Variants in SNTG2 observed in about 807,000 individuals in gnomAD.
SNTG2 encodes gamma-2-syntrophin.
Under a neutral mutation model 70.9 loss-of-function variants are expected in SNTG2, and 74 were observed. The ratio of observed to expected loss-of-function variants is 1.04; its 90% confidence interval spans 0.86 to 1.27. The LOEUF is 1.27. SNTG2 is among the 50% of genes most tolerant of loss of function. The pLI, the probability that SNTG2 is intolerant of heterozygous loss-of-function variation, is 0.00. For missense variants in SNTG2, 717 were observed against 690.7 expected, an observed-to-expected ratio of 1.04 and a Z score of -0.43; for synonymous variants, 278 against 273.8, an observed-to-expected ratio of 1.02 and a Z score of -0.15.
At chr2:1,208,233 AGT>A (rs66588436) in intron 8 of SNTG2, among the ~76,000 whole-genome samples, 31,720 of 150,962 alleles carry the variant, frequency 0.21, 3,939 homozygotes, top group African/African-American at 0.36. Context: ...TACACCTGTG[AGT>A]GTGGGGCACA....
chr2:966,789 AC>A (rs1477773417), intron 1 of SNTG2, among the ~76,000 whole-genome samples: 1 of 152,110 alleles, frequency 6.6e-6, no homozygotes, highest in Non-Finnish European at 1.5e-5. Flanking sequence ...TACTAAAAAT[AC>A]AAAAAAATTA....
At chr2:1,057,829 C>CA (rs1187359700) in intron 1 of SNTG2, among the ~76,000 whole-genome samples, 4 of 151,022 alleles carry the variant, frequency 2.6e-5, no homozygotes, top group African/African-American at 4.9e-5. Context: ...AGTTGCATTT[C>CA]AAAAAAATCT....
chr2:1,156,484 A>G (rs1669904153), intron 6 of SNTG2, among the ~76,000 whole-genome samples: 1 of 152,186 alleles, frequency 6.6e-6, no homozygotes, highest in African/African-American at 2.4e-5. Flanking sequence ...GAGGGAAAAC[A>G]GGTTGAGGCG....
intron 9 of SNTG2, among the ~76,000 whole-genome samples, chr2:1,218,008 A>G (rs374320753): frequency 6.6e-6 from 1 of 152,170 alleles, no homozygotes; most frequent in African/African-American, 2.4e-5. Context: ...AGGCTCACTC[A>G]GGGTTGCTGG....
At chr2:1,294,049 C>T (rs1490453633) in intron 14 of SNTG2, among the ~76,000 whole-genome samples, 1 of 152,224 alleles carries the variant, frequency 6.6e-6, no homozygotes, top group Admixed American at 6.5e-5. Flanking sequence ...TCTTAGCTGA[C>T]CACTCTCTTC....
chr2:960,803 A>C (rs552957150), intron 1 of SNTG2, among the ~76,000 whole-genome samples: 2,969 of 101,374 alleles, frequency 0.029, 89 homozygotes, highest in African/African-American at 0.1. Context: ...GGTGCTCCTA[A>C]TGCCTGTTCA....
At chr2:1,270,147 T>A (rs36161266) in intron 14 of SNTG2, among the ~76,000 whole-genome samples, 2 of 152,016 alleles carry the variant, frequency 1.3e-5, no homozygotes, top group Admixed American at 1.3e-4. Flanking sequence ...GAACCCACCC[T>A]GCAGGCATTT....
intron 1 of SNTG2, among the ~76,000 whole-genome samples, chr2:965,213 A>ATTGT (rs1558282491): frequency 4.7e-5 from 3 of 64,174 alleles, no homozygotes; most frequent in Non-Finnish European, 1.1e-4. Flanking sequence ...CTGGTCCCCA[A>ATTGT]TCCTCCTCCT....
At chr2:1,165,320 C>T (rs990651188) in intron 6 of SNTG2, among the ~76,000 whole-genome samples, 5 of 151,906 alleles carry the variant, frequency 3.3e-5, no homozygotes, top group Non-Finnish European at 5.9e-5. Flanking sequence ...CAGACCCCTG[C>T]TCACTCATGC....
chr2:960,769 C>G (rs4246560), intron 1 of SNTG2, among the ~76,000 whole-genome samples: 64,371 of 142,322 alleles, frequency 0.45, 14,191 homozygotes, highest in Middle Eastern at 0.53. Flanking sequence ...AGGGTTCCCA[C>G]GCACGGCTGT....
chr2:1,236,391 A>G (rs1170657433), intron 9 of SNTG2, among the ~76,000 whole-genome samples: 3 of 152,234 alleles, frequency 2.0e-5, no homozygotes, highest in Non-Finnish European at 4.4e-5. Flanking sequence ...CAGGAGGACC[A>G]GGAAAGGTGA....
intron 9 of SNTG2, among the ~76,000 whole-genome samples, chr2:1,222,443 G>C (rs887715949): frequency 6.6e-6 from 1 of 152,198 alleles, no homozygotes; most frequent in Non-Finnish European, 1.5e-5. Context: ...AAAATGAACA[G>C]GAGGGGCTTC....
intron 1 of SNTG2, among the ~76,000 whole-genome samples, chr2:1,026,619 C>A (rs1038315172): frequency 1.3e-5 from 2 of 152,120 alleles, no homozygotes; most frequent in African/African-American, 2.4e-5. Flanking sequence ...TGTTGACAAC[C>A]CTGCACTCAC....
intron 9 of SNTG2, among the ~76,000 whole-genome samples, chr2:1,225,108 T>C (rs1675684454): frequency 6.6e-6 from 1 of 152,232 alleles, no homozygotes; most frequent in South Asian, 2.1e-4. Flanking sequence ...GTCCCTGCCT[T>C]AACCACTTCT....
At chr2:1,213,036 G>T (rs2148002854) in intron 9 of SNTG2, among the ~76,000 whole-genome samples, 1 of 152,342 alleles carries the variant, frequency 6.6e-6, no homozygotes, top group East Asian at 1.9e-4. Flanking sequence ...CTCTGACTCT[G>T]TCCTTGTCCA....
chr2:967,428 T>C (rs565224542), intron 1 of SNTG2, among the ~76,000 whole-genome samples: 5 of 152,358 alleles, frequency 3.3e-5, no homozygotes, highest in African/African-American at 9.6e-5. Flanking sequence ...CAGGAGTGGA[T>C]GTTGAATATG....
chr2:1,257,355 T>G (rs9678155), intron 12 of SNTG2, among the ~76,000 whole-genome samples: 45,595 of 152,000 alleles, frequency 0.3, 7,620 homozygotes, highest in African/African-American at 0.45. Context: ...CCCTGGGCTG[T>G]GGGCAAGGTC....
chr2:1,146,552 TA>T (rs1390283565), intron 6 of SNTG2, among the ~76,000 whole-genome samples: 2 of 152,212 alleles, frequency 1.3e-5, no homozygotes, highest in Non-Finnish European at 2.9e-5. Context: ...AAATTGAGTC[TA>T]AAGTTTATAT....
intron 14 of SNTG2, among the ~76,000 whole-genome samples, chr2:1,303,062 T>A (rs1680526223): frequency 1.3e-5 from 2 of 152,074 alleles, no homozygotes. Flanking sequence ...GCCTCAACAC[T>A]CCTTCTCAAC....
Sources: allele counts gnomAD v4.1 joint callset (sites outside exome capture counted in the v4.1 genomes callset), GRCh38; gene constraint gnomAD v4.1.1; transcripts MANE v1.5; gene names NCBI Gene and HGNC (gene_info 2026-07-23, HGNC 2026-07-21).